OR4N2: variants seen among roughly 807,000 people sequenced by gnomAD.
The protein encoded by OR4N2 is olfactory receptor 4N2.
For synonymous variants in OR4N2, 141 were observed against 140.4 expected (o/e 1.00, Z -0.03); for missense variants, 307 against 377.6 (o/e 0.81, Z 1.55).
At chr14:19,810,749 A>T (rs1329667377) in intron 1 of OR4N2, among the ~76,000 whole-genome samples, 1 of 152,242 alleles carries the variant, frequency 6.6e-6, no homozygotes, top group Admixed American at 6.5e-5. Flanking sequence ...AAAGTCAGAA[A>T]TTGGTATTTT....
At chr14:19,826,020 AT>A (rs1326984294) in intron 1 of OR4N2, among the ~76,000 whole-genome samples, 1 of 152,258 alleles carries the variant, frequency 6.6e-6, no homozygotes, top group Non-Finnish European at 1.5e-5. Flanking sequence ...ATGTATGCAT[AT>A]TTATTTATAA....
At chr14:19,813,437 A>C (rs1251612478) in intron 1 of OR4N2, among the ~76,000 whole-genome samples, 2 of 152,280 alleles carry the variant, frequency 1.3e-5, no homozygotes, top group Admixed American at 6.5e-5. Context: ...AAGTTGTATT[A>C]GCTGGAAAGA....
Position 19,827,458 on chromosome 14 carries a change from G to C in OR4N2, c.10G>C (p.Glu4Gln), listed in dbSNP as rs149359905. 1 of 1,586,858 alleles carries C rather than the reference G, an allele frequency of 6.3e-7. No individual in the cohort carries two copies. The highest frequency in any genetic ancestry group is 8.6e-7 in the Non-Finnish European group (1 of 1,167,528). The change falls in exon 2 of 2, where the codon GAG becomes CAG. Residue 4 changes from glutamate (E) to glutamine (Q), a missense_variant. Glu to Gln is a conservative substitution (Grantham distance 29). Transcript: ENST00000557677. MES[E>Q]NRTVIREFIL... The stretch of plus-strand genomic sequence containing the variant: ...ACTGCAGGCCAGGGAAATGGAAAGC[G>C]AGAACAGAACAGTGATAAGAGAATT...
At chr14:19,824,175 A>G (rs1238582119) in intron 1 of OR4N2, among the ~76,000 whole-genome samples, 3 of 152,224 alleles carry the variant, frequency 2.0e-5, no homozygotes, top group Non-Finnish European at 2.9e-5. Context: ...TACTCTGCTG[A>G]TGCCATCATA....
chr14:19,826,974 A>G (rs1418085318), intron 1 of OR4N2, among the ~76,000 whole-genome samples: 1 of 152,276 alleles, frequency 6.6e-6, no homozygotes, highest in Non-Finnish European at 1.5e-5. Flanking sequence ...TTACACAGGA[A>G]TTGAGGGAAG....
chr14:19,827,861 C>G lies in OR4N2; in HGVS notation c.413C>G (p.Pro138Arg), dbSNP rs752838622. The change falls in exon 2 of 2, where the codon CCT becomes CGT. Residue 138 changes from proline (P) to arginine (R), a missense_variant. By Grantham distance (103) the Pro-to-Arg change is moderately radical (BLOSUM62 -2). Coordinates refer to ENST00000557677, the MANE Select transcript of OR4N2 (RefSeq NM_001004723.3). ...CTGCACTATCCTACTGTCATGAACCCTAGAACCTGCTATGCAATGATGTTG... is the reference window on the plus strand; with the variant it reads ...CTGCACTATCCTACTGTCATGAACCGTAGAACCTGCTATGCAATGATGTTG... ...RPLHYPTVMN[P>R]RTCYAMMLAL... 1 of 1,614,122 alleles carries G rather than the reference C, an allele frequency of 6.2e-7. No individual in the cohort carries two copies. Among genetic ancestry groups the G allele is most frequent in the East Asian group, 2.2e-5 (1 of 44,904 alleles).
At chr14:19,817,949 A>T (rs1477539597) in intron 1 of OR4N2, among the ~76,000 whole-genome samples, 2 of 152,248 alleles carry the variant, frequency 1.3e-5, no homozygotes, top group Non-Finnish European at 2.9e-5. Context: ...TTATTTACCC[A>T]GTAGTCATTC....
At chr14:19,818,509 C>G (rs1566465809) in intron 1 of OR4N2, among the ~76,000 whole-genome samples, 1 of 151,968 alleles carries the variant, frequency 6.6e-6, no homozygotes, top group African/African-American at 2.4e-5. Context: ...GCAACCGCTG[C>G]TTTTTTTTGG....
chr14:19,818,629 T>C (rs1433812601), intron 1 of OR4N2, among the ~76,000 whole-genome samples: 1 of 152,190 alleles, frequency 6.6e-6, no homozygotes, highest in Non-Finnish European at 1.5e-5. Flanking sequence ...GTCTTGAGTC[T>C]CTATCCAATT....
At chr14:19,817,985 T>C (rs1331903589) in intron 1 of OR4N2, among the ~76,000 whole-genome samples, 2 of 152,096 alleles carry the variant, frequency 1.3e-5, no homozygotes, top group Non-Finnish European at 2.9e-5. Context: ...AGTTTCCATG[T>C]GTTGTGCGAT....
intron 1 of OR4N2, among the ~76,000 whole-genome samples, chr14:19,826,015 T>C (rs1390197334): frequency 6.6e-6 from 1 of 152,246 alleles, no homozygotes; most frequent in Non-Finnish European, 1.5e-5. Flanking sequence ...CTTAAATGTA[T>C]GCATATTTAT....
intron 1 of OR4N2, chr14:19,822,273 T>A (rs1454025289): frequency 2.6e-5 from 4 of 152,274 alleles, no homozygotes; most frequent in Admixed American, 2.0e-4. Context: ...AATTGACATC[T>A]GGTGTTAAAA....
rs1241056573 is a variant in OR4N2, at chr14:19,811,447, C to T, written c.-10+7603C>T. Among the ~76,000 whole-genome samples the T allele has an allele frequency of 3.3e-5, 5 of 152,196 alleles. No homozygotes were observed. In the South Asian group the frequency reaches 6.2e-4, roughly 19 times the overall value. ...ATTTTTAGTAGAGATGGGGTTTCAC[C>T]GTGTTAGCCAGGATGGTCTCAATCT... is the stretch of plus-strand genomic sequence containing the variant. On this transcript the variant is annotated intron_variant, in intron 1 of 1. Transcript: ENST00000557677.
chr14:19,817,353 C>T (rs138026204), intron 1 of OR4N2, among the ~76,000 whole-genome samples: 13,387 of 150,446 alleles, frequency 0.089, 242 homozygotes, highest in Non-Finnish European at 0.12. Context: ...CTATTAATTA[C>T]TGCCTCGATT....
chr14:19,828,135 T>C lies in OR4N2; in HGVS notation c.687T>C (p.Ser229=). ...TTCTTTGTCGCATACGAGGGTCTTCTTCTGAGGCAAAAAACAAGGCCATGT... is the reference window on the plus strand; with the variant it reads ...TTCTTTGTCGCATACGAGGGTCTTCCTCTGAGGCAAAAAACAAGGCCATGT... The part of the protein sequence containing the change: ...AVILCRIRGS[S]SEAKNKAMST... The change falls in exon 2 of 2, where the codon TCT becomes TCC. Residue 229 remains serine (S), a synonymous_variant. Transcript: ENST00000557677. 6.2e-7 allele frequency: 1 copy of C among 1,614,242 alleles called. No homozygotes were observed. Among genetic ancestry groups the C allele is most frequent in the Non-Finnish European group, 8.5e-7 (1 of 1,180,044 alleles).
chr14:19,808,215 G>A (rs1299358405), intron 1 of OR4N2, among the ~76,000 whole-genome samples: 2 of 152,060 alleles, frequency 1.3e-5, no homozygotes, highest in Admixed American at 1.3e-4. Flanking sequence ...TTCAATATAG[G>A]ACTTGAAGTC....
At chr14:19,815,655 G>GTTTTTTTTTTTTTTTTTTTTTTT (rs59019427) in intron 1 of OR4N2, among the ~76,000 whole-genome samples, 1 of 138,520 alleles carries the variant, frequency 7.2e-6, no homozygotes. Context: ...GTTTTTTTTT[G>GTTTTTTTTTTTTTTTTTTTTTTT]TTTTTTTTTT....
At chr14:19,811,635 T>C (rs72663733) in intron 1 of OR4N2, among the ~76,000 whole-genome samples, 17,354 of 150,090 alleles carry the variant, frequency 0.12, 596 homozygotes, top group South Asian at 0.26. Flanking sequence ...CCAAAAACGA[T>C]AGTTGGCTTA....
chr14:19,819,948 C>T (rs985598104), intron 1 of OR4N2, among the ~76,000 whole-genome samples: 1 of 152,270 alleles, frequency 6.6e-6, no homozygotes, highest in African/African-American at 2.4e-5. Flanking sequence ...GGCCCCTCTG[C>T]TGCAGGTCTG....
Sources: gnomAD v4.1 joint callset for allele counts (sites outside exome capture counted in the v4.1 genomes callset) on GRCh38, gnomAD v4.1.1 for gene constraint, MANE v1.5 for transcripts, NCBI Gene and HGNC (gene_info 2026-07-23, HGNC 2026-07-21) for gene names.